Variants in SPATS2 observed in about 807,000 individuals in gnomAD.
The protein encoded by SPATS2 is spermatogenesis-associated serine-rich protein 2.
SPATS2 carries 38 observed loss-of-function variants against 63.7 expected under a neutral mutation model. The observed-to-expected ratio is 0.60, with a 90% confidence interval of 0.46 to 0.78. The LOEUF is 0.78. Ranked by LOEUF, SPATS2 falls within the 30% of genes least tolerant of loss-of-function variation. SPATS2 has a pLI of 0.00. For missense variants in SPATS2, 588 were observed against 666.2 expected, an observed-to-expected ratio of 0.88 and a Z score of 1.29; for synonymous variants, 207 against 232.9, an observed-to-expected ratio of 0.89 and a Z score of 1.01.
chr12:49,488,621 G>T (rs887153396), intron 4 of SPATS2, among the ~76,000 whole-genome samples: 12 of 152,154 alleles, frequency 7.9e-5, no homozygotes, highest in Middle Eastern at 6.8e-3. Context: ...TCACACCTCT[G>T]CACTCCAGCC....
chr12:49,488,320 G>C (rs1296354286), intron 4 of SPATS2, among the ~76,000 whole-genome samples: 1 of 151,958 alleles, frequency 6.6e-6, no homozygotes, highest in Non-Finnish European at 1.5e-5. Context: ...TGGGATTACA[G>C]GTGCTAGCCA....
intron 3 of SPATS2, chr12:49,462,302 G>A (rs750129403): frequency 8.5e-6 from 6 of 702,382 alleles, no homozygotes; most frequent in South Asian, 5.9e-5. Flanking sequence ...AACAAGGAAG[G>A]AACTGGAGGG....
intron 3 of SPATS2, among the ~76,000 whole-genome samples, chr12:49,484,348 A>T (rs1946253780): frequency 6.6e-6 from 1 of 152,206 alleles, no homozygotes; most frequent in South Asian, 2.1e-4. Flanking sequence ...GGACAGTCTA[A>T]TATGGTTGAT....
intron 2 of SPATS2, among the ~76,000 whole-genome samples, chr12:49,444,850 G>A (rs547226768): frequency 2.1e-4 from 31 of 150,250 alleles, no homozygotes; most frequent in Admixed American, 1.1e-3. Context: ...GTGATCCACC[G>A]GCCTCAGCCT....
intron 2 of SPATS2, among the ~76,000 whole-genome samples, chr12:49,434,640 C>T (rs1435052647): frequency 6.6e-6 from 1 of 152,132 alleles, no homozygotes; most frequent in Non-Finnish European, 1.5e-5. Context: ...CATTTCTATA[C>T]CTTGAGAGTC....
intron 2 of SPATS2, among the ~76,000 whole-genome samples, chr12:49,411,218 A>G (rs1482575888): frequency 6.6e-6 from 1 of 152,130 alleles, no homozygotes; most frequent in Non-Finnish European, 1.5e-5. Context: ...AGAAAAGTTT[A>G]TTGTTGTTAG....
intron 2 of SPATS2, among the ~76,000 whole-genome samples, chr12:49,446,633 T>A (rs1161785970): frequency 6.6e-6 from 1 of 152,172 alleles, no homozygotes; most frequent in Non-Finnish European, 1.5e-5. Context: ...TTCAAATCTG[T>A]CTTTCCCCTT....
intron 2 of SPATS2, among the ~76,000 whole-genome samples, chr12:49,457,231 C>G (rs1945734638): frequency 6.6e-6 from 1 of 152,004 alleles, no homozygotes; most frequent in Non-Finnish European, 1.5e-5. Flanking sequence ...AATTTCTTCT[C>G]TCATTGTATT....
At chr12:49,446,811 A>C (rs901519276) in intron 2 of SPATS2, among the ~76,000 whole-genome samples, 6 of 152,204 alleles carry the variant, frequency 3.9e-5, no homozygotes, top group Non-Finnish European at 5.9e-5. Context: ...AGCAGTACAT[A>C]GATTATGTTT....
chr12:49,445,889 TG>T (rs1474081614), intron 2 of SPATS2, among the ~76,000 whole-genome samples: 3 of 151,992 alleles, frequency 2.0e-5, no homozygotes, highest in African/African-American at 7.2e-5. Flanking sequence ...TGATCTGTAG[TG>T]TTTTTTTGGT....
intron 2 of SPATS2, among the ~76,000 whole-genome samples, chr12:49,440,258 G>T (rs1366320963): frequency 6.6e-6 from 1 of 152,130 alleles, no homozygotes; most frequent in Non-Finnish European, 1.5e-5. Flanking sequence ...AAGAGTCAAA[G>T]TCCAGGAACT....
intron 2 of SPATS2, among the ~76,000 whole-genome samples, chr12:49,409,688 C>T (rs1475050252): frequency 6.7e-6 from 1 of 149,524 alleles, no homozygotes; most frequent in Non-Finnish European, 1.5e-5. Context: ...CTGCAATCTC[C>T]GCCTCTCAGG....
At chr12:49,455,105 TAAAA>T (rs930596474) in intron 2 of SPATS2, among the ~76,000 whole-genome samples, 4 of 152,040 alleles carry the variant, frequency 2.6e-5, no homozygotes, top group Admixed American at 2.6e-4. Context: ...TTTTTTTAAT[TAAAA>T]AAAATTTTAA....
intron 2 of SPATS2, among the ~76,000 whole-genome samples, chr12:49,387,607 C>G (rs1047519918): frequency 3.4e-5 from 5 of 147,372 alleles, no homozygotes; most frequent in African/African-American, 1.3e-4. Context: ...ACTGCACACT[C>G]CAGCCTGGGC....
intron 2 of SPATS2, among the ~76,000 whole-genome samples, chr12:49,443,616 G>C (rs1300470676): frequency 6.6e-6 from 1 of 151,580 alleles, no homozygotes; most frequent in Non-Finnish European, 1.5e-5. Context: ...GGGTTTTACA[G>C]TTTTAGCCAT....
chr12:49,397,997 A>G (rs1285257019), intron 2 of SPATS2, among the ~76,000 whole-genome samples: 1 of 151,288 alleles, frequency 6.6e-6, no homozygotes, highest in African/African-American at 2.4e-5. Context: ...AAAAAAATAC[A>G]AAAATGAGTG....
chr12:49,453,055 A>G (rs2137624889), intron 2 of SPATS2, among the ~76,000 whole-genome samples: 2 of 151,098 alleles, frequency 1.3e-5, no homozygotes, highest in East Asian at 3.9e-4. Flanking sequence ...GCTACTCGGG[A>G]GGCTGAGGCA....
chr12:49,383,442 G>A (rs1944258331), intron 2 of SPATS2, among the ~76,000 whole-genome samples: 1 of 151,822 alleles, frequency 6.6e-6, no homozygotes, highest in Non-Finnish European at 1.5e-5. Context: ...ACACGGTTTT[G>A]CTCTGCCACC....
At chr12:49,452,048 G>T (rs569331304) in intron 2 of SPATS2, among the ~76,000 whole-genome samples, 10 of 152,064 alleles carry the variant, frequency 6.6e-5, no homozygotes, top group Non-Finnish European at 1.5e-4. Flanking sequence ...TTCTGGTTTT[G>T]GCTTTAATCA....
Sources: gnomAD v4.1 joint callset for allele counts (sites outside exome capture counted in the v4.1 genomes callset) on GRCh38, gnomAD v4.1.1 for gene constraint, MANE v1.5 for transcripts, NCBI Gene and HGNC (gene_info 2026-07-23, HGNC 2026-07-21) for gene names.